GLIS3: variants seen among roughly 807,000 people sequenced by gnomAD.
GLIS3 encodes the protein GLIS family zinc finger 3.
A neutral mutation model predicts 78.6 loss-of-function variants in GLIS3; 53 were observed. That is an observed-to-expected ratio of 0.67 (90% CI 0.54 to 0.85). GLIS3 has a LOEUF of 0.85. GLIS3 is among the 40% of genes least tolerant of loss of function. The pLI is 0.00. For missense variants in GLIS3, 1,703 were observed against 1,231.1 expected (o/e 1.38, Z -5.74); for synonymous variants, 684 against 509.9 (o/e 1.34, Z -4.60).
the GLIS3 span, among the ~76,000 whole-genome samples, chr9:4,438,434 C>T: frequency 0.038 from 5,844 of 152,198 alleles, 257 homozygotes; most frequent in East Asian, 0.2. Context: ...TTCCCCACCC[C>T]GTGATTATTT....
chr9:4,400,919 C>A, the GLIS3 span, among the ~76,000 whole-genome samples: 1 of 152,308 alleles, frequency 6.6e-6, no homozygotes, highest in Middle Eastern at 3.4e-3. Context: ...CAGCAATACC[C>A]AAGGAGTATG....
chr9:4,047,552 A>G (rs1244092716), intron 4 of GLIS3, among the ~76,000 whole-genome samples: 1 of 152,206 alleles, frequency 6.6e-6, no homozygotes, highest in Non-Finnish European at 1.5e-5. Flanking sequence ...TGGTTCACTT[A>G]CTTTGCATTT....
intron 4 of GLIS3, among the ~76,000 whole-genome samples, chr9:3,955,961 G>C (rs1817071908): frequency 6.8e-6 from 1 of 146,282 alleles, no homozygotes; most frequent in Non-Finnish European, 1.5e-5. Flanking sequence ...CAAGTGATTG[G>C]CTAGGACCAT....
At position 4,067,100 on chromosome 9, in the gene GLIS3, T is replaced by C. The variant is rs77868040; in HGVS notation, c.1710+50668A>G. Among the ~76,000 whole-genome samples, 494 of 152,290 alleles carry C rather than the reference T, an allele frequency of 3.2e-3. 2 individuals are homozygous for C. The highest frequency in any genetic ancestry group is 0.011 in the African/African-American group (461 of 41,550). On this transcript the variant is annotated intron_variant, in intron 4 of 10. Coordinates refer to ENST00000381971, the MANE Select transcript of GLIS3 (RefSeq NM_001042413.2). ...GTTCCTTCCTTCCACAGTCCCCTTCTGCCCTGGAGAAAAATCTGCTCCCTG... is the reference window on the plus strand; with the variant it reads ...GTTCCTTCCTTCCACAGTCCCCTTCCGCCCTGGAGAAAAATCTGCTCCCTG...
intron 2 of GLIS3, among the ~76,000 whole-genome samples, chr9:4,163,003 C>T (rs937784496): frequency 3.9e-5 from 6 of 152,140 alleles, no homozygotes; most frequent in African/African-American, 1.4e-4. Flanking sequence ...GTACTTTCTA[C>T]CCTCTCATCA....
chr9:4,353,401 G>A, the GLIS3 span, among the ~76,000 whole-genome samples: 1 of 152,136 alleles, frequency 6.6e-6, no homozygotes, highest in African/African-American at 2.4e-5. Context: ...AGGAGGTGTG[G>A]GAGTTAACGA....
the GLIS3 span, among the ~76,000 whole-genome samples, chr9:4,398,811 C>T: frequency 6.6e-6 from 1 of 152,314 alleles, no homozygotes; most frequent in Admixed American, 6.5e-5. Flanking sequence ...GCTTCAGCCT[C>T]CCAAGTAGCT....
chr9:4,352,768 A>C (rs1312938996), upstream of GLIS3, among the ~76,000 whole-genome samples: 1 of 152,228 alleles, frequency 6.6e-6, no homozygotes, highest in Non-Finnish European at 1.5e-5. Flanking sequence ...TTGGATGGAG[A>C]GATCAAAATA....
intron 4 of GLIS3, among the ~76,000 whole-genome samples, chr9:4,091,340 C>G (rs918400544): frequency 4.0e-5 from 6 of 151,658 alleles, no homozygotes; most frequent in Admixed American, 2.6e-4. Flanking sequence ...ACACTCCAGC[C>G]TGGGCAACAG....
At chr9:3,901,440 T>C (rs985086872) in intron 6 of GLIS3, among the ~76,000 whole-genome samples, 6 of 152,208 alleles carry the variant, frequency 3.9e-5, no homozygotes, top group Admixed American at 2.6e-4. Context: ...ATTTACACCA[T>C]GGAAATTGGC....
At chr9:3,872,462 C>T (rs1821029063) in intron 8 of GLIS3, among the ~76,000 whole-genome samples, 2 of 152,204 alleles carry the variant, frequency 1.3e-5, no homozygotes, top group Non-Finnish European at 2.9e-5. Context: ...ATTGGACTTA[C>T]ATGTGGTTGG....
the GLIS3 span, among the ~76,000 whole-genome samples, chr9:4,431,886 C>T: frequency 6.7e-6 from 1 of 150,210 alleles, no homozygotes; most frequent in East Asian, 1.9e-4. Flanking sequence ...GTATTTTAGG[C>T]TTTGTGTGCC....
chr9:4,305,013 G>A (rs1453532096), upstream of GLIS3, among the ~76,000 whole-genome samples: 1 of 152,138 alleles, frequency 6.6e-6, no homozygotes, highest in Non-Finnish European at 1.5e-5. Flanking sequence ...TGGGGACACT[G>A]CCCCAAGCTC....
the GLIS3 span, among the ~76,000 whole-genome samples, chr9:4,433,186 C>T: frequency 6.6e-6 from 1 of 152,174 alleles, no homozygotes; most frequent in African/African-American, 2.4e-5. Flanking sequence ...AATCCCAACA[C>T]TTTGGGAAGT....
intron 4 of GLIS3, among the ~76,000 whole-genome samples, chr9:4,038,361 G>C (rs1439709142): frequency 6.6e-6 from 1 of 152,148 alleles, no homozygotes; most frequent in African/African-American, 2.4e-5. Flanking sequence ...AGTCACTGTA[G>C]TTTTACAACT....
At chr9:3,872,763 G>A (rs571504464) in intron 8 of GLIS3, among the ~76,000 whole-genome samples, 2 of 152,248 alleles carry the variant, frequency 1.3e-5, no homozygotes, top group East Asian at 1.9e-4. Context: ...CACACCTGTG[G>A]AATACAGCAA....
At chr9:4,456,885 C>A in the GLIS3 span, among the ~76,000 whole-genome samples, 1 of 152,216 alleles carries the variant, frequency 6.6e-6, no homozygotes, top group South Asian at 2.1e-4. Context: ...AAAACAATTG[C>A]AATACTAACA....
intron 2 of GLIS3, among the ~76,000 whole-genome samples, chr9:4,206,016 C>G (rs1819848679): frequency 1.3e-5 from 2 of 152,032 alleles, no homozygotes; most frequent in African/African-American, 4.8e-5. Flanking sequence ...ATACCTGAAT[C>G]TGATTTAGAA....
chr9:4,309,029 G>C (rs1220589792), intron 3 of GLIS3: 1 of 152,240 alleles, frequency 6.6e-6, no homozygotes, highest in Non-Finnish European at 1.5e-5. Context: ...TGGAGACTGA[G>C]TTAATATTTG....
Sources: gnomAD v4.1 joint callset for allele counts (sites outside exome capture counted in the v4.1 genomes callset) on GRCh38, gnomAD v4.1.1 for gene constraint, MANE v1.5 for transcripts, NCBI Gene and HGNC (gene_info 2026-07-23, HGNC 2026-07-21) for gene names.